Variants in NPAS3 observed in about 807,000 individuals in gnomAD.
NPAS3 encodes the protein neuronal PAS domain protein 3.
In NPAS3, 14 loss-of-function variants were observed where a neutral mutation model predicts 73.1. The ratio of observed to expected loss-of-function variants is 0.19; its 90% confidence interval spans 0.13 to 0.30. The LOEUF (loss-of-function observed/expected upper bound fraction) is 0.30. Among genes scored for constraint, NPAS3 ranks in the 10% least tolerant of loss-of-function variants. The pLI is 1.00. For synonymous variants in NPAS3, 620 were observed against 541.5 expected (o/e 1.14, Z -2.01); for missense variants, 1,096 against 1,250.0 (o/e 0.88, Z 1.86).
intron 4 of NPAS3, among the ~76,000 whole-genome samples, chr14:33,429,626 G>A (rs2048700241): frequency 6.6e-6 from 1 of 152,048 alleles, no homozygotes; most frequent in African/African-American, 2.4e-5. Flanking sequence ...TATATGAGAA[G>A]AACAGTATAC....
Position 33,800,605 on chromosome 14 carries a change from C to T in NPAS3, c.2298C>T (p.Gly766=), listed in dbSNP as rs2063677272. 5 of 1,310,510 alleles carry T rather than the reference C, an allele frequency of 3.8e-6. No individual in the cohort carries two copies. The highest frequency in any genetic ancestry group is 1.6e-5 in the African/African-American group (1 of 63,954). 81.2% of individuals were successfully genotyped at this position (1,310,510 alleles called of 1,614,324 possible). Residue 766 remains glycine, a synonymous_variant, in exon 12 of 12, where the codon GGC becomes GGT. Transcript: ENST00000356141. This position sits in a 1 kb window ranked among gnomAD's most constrained non-coding sequence, Gnocchi z 6.5. ...AGCACCCCGGGAACGGCGGCGGGGG[C>T]GGGGGCGGGGGCGGCGGCGCGGGGG...
intron 2 of NPAS3, among the ~76,000 whole-genome samples, chr14:33,190,604 A>T (rs755620570): frequency 9.9e-5 from 15 of 152,234 alleles, no homozygotes; most frequent in Non-Finnish European, 2.1e-4. Context: ...GAAGAAAATG[A>T]ACAAAGTGTG....
At chr14:32,959,204 G>T (rs1323656581) in intron 1 of NPAS3, among the ~76,000 whole-genome samples, 1 of 152,080 alleles carries the variant, frequency 6.6e-6, no homozygotes, top group African/African-American at 2.4e-5. Flanking sequence ...ACTGATTTTT[G>T]AACTTCTTTA....
At chr14:33,784,699 T>C (rs1437899609) in intron 9 of NPAS3, among the ~76,000 whole-genome samples, 1 of 151,038 alleles carries the variant, frequency 6.6e-6, no homozygotes, top group Non-Finnish European at 1.5e-5. Flanking sequence ...AATTAGTAGC[T>C]GCTTTTATTT....
chr14:33,201,665 G>A lies in NPAS3; in HGVS notation c.141-13517G>A, dbSNP rs113425299. On this transcript the variant is annotated intron_variant, in intron 2 of 11. Coordinates refer to ENST00000356141, the Ensembl canonical transcript of NPAS3. Reference sequence around the variant, plus strand: ...GATCATGTTGAGCTCTCAGTTCAGGGGGAAATGTTCAATCATGTAGTACAC... The same window carrying A: ...GATCATGTTGAGCTCTCAGTTCAGGAGGAAATGTTCAATCATGTAGTACAC... 8.9e-3 allele frequency among the ~76,000 whole-genome samples: 1,355 copies of A among 152,258 alleles called. 24 individuals carry two copies. The highest frequency in any genetic ancestry group is 0.031 in the African/African-American group (1,298 of 41,544).
At chr14:33,698,582 C>A (rs1368228988) in intron 6 of NPAS3, among the ~76,000 whole-genome samples, 2 of 152,186 alleles carry the variant, frequency 1.3e-5, no homozygotes, top group Non-Finnish European at 2.9e-5. Context: ...AACACTTTCT[C>A]ATCATTCCAC....
In NPAS3 at chr14:33,566,204, A is replaced by G. The variant is rs144883998; in HGVS notation, c.558+5994A>G. Among the ~76,000 whole-genome samples, 596 of 149,596 alleles carry G rather than the reference A, an allele frequency of 4.0e-3. 4 individuals are homozygous for G. The highest frequency in any genetic ancestry group is 0.014 in the African/African-American group (573 of 40,800). ...AGGGCACTTTGAAAAGCAAATAGCG[A>G]CCTGGTGAAGAAATTGATTTTTCCC... On this transcript the variant is annotated intron_variant, in intron 5 of 11. Coordinates refer to ENST00000356141, the Ensembl canonical transcript of NPAS3.
intron 4 of NPAS3, among the ~76,000 whole-genome samples, chr14:33,518,863 G>T (rs2053432347): frequency 2.0e-5 from 3 of 152,088 alleles, no homozygotes; most frequent in Non-Finnish European, 4.4e-5. Context: ...CAACAGGAGG[G>T]TAGGAGCTAT....
chr14:33,306,107 C>T (rs963627378), intron 3 of NPAS3, among the ~76,000 whole-genome samples: 2 of 152,030 alleles, frequency 1.3e-5, no homozygotes, highest in East Asian at 1.9e-4. Flanking sequence ...AATATTTAAA[C>T]TAGTATATAA....
intron 4 of NPAS3, among the ~76,000 whole-genome samples, chr14:33,438,057 G>A (rs1395344827): frequency 1.3e-5 from 2 of 152,130 alleles, no homozygotes; most frequent in African/African-American, 2.4e-5. Flanking sequence ...ACACTGTATC[G>A]CGTTTGGAAA....
chr14:33,438,290 T>C (rs7160536), intron 4 of NPAS3, among the ~76,000 whole-genome samples: 29,302 of 152,150 alleles, frequency 0.19, 3,202 homozygotes, highest in East Asian at 0.5. Flanking sequence ...TTATGTGTTA[T>C]TGAAATAAAG....
intron 1 of NPAS3, among the ~76,000 whole-genome samples, chr14:32,944,384 A>T (rs2036164248): frequency 6.6e-6 from 1 of 152,244 alleles, no homozygotes; most frequent in Admixed American, 6.5e-5. Flanking sequence ...ATAAGTTAGT[A>T]TGTTAAATTT....
chr14:33,285,666 C>A (rs1225949384), intron 3 of NPAS3, among the ~76,000 whole-genome samples: 3 of 152,218 alleles, frequency 2.0e-5, no homozygotes, highest in Non-Finnish European at 4.4e-5. Flanking sequence ...GCAACCTTGT[C>A]TCTCTCACAA....
At chr14:33,295,017 G>A (rs1396785123) in intron 3 of NPAS3, among the ~76,000 whole-genome samples, 6 of 152,190 alleles carry the variant, frequency 3.9e-5, no homozygotes, top group Admixed American at 3.3e-4. Context: ...AGGACCCTAG[G>A]AGGGAAAGAT....
chr14:33,069,528 T>C (rs898471242), intron 2 of NPAS3, among the ~76,000 whole-genome samples: 3 of 152,228 alleles, frequency 2.0e-5, no homozygotes, highest in Admixed American at 6.5e-5. Context: ...ACGGATGTAT[T>C]CAAACCCTAG....
intron 1 of NPAS3, among the ~76,000 whole-genome samples, chr14:33,027,441 T>C (rs985169900): frequency 6.6e-6 from 1 of 152,154 alleles, no homozygotes; most frequent in Non-Finnish European, 1.5e-5. Context: ...AATGAGTTTG[T>C]TAGAAAGGAA....
At chr14:33,219,236 T>C (rs1026359971) in intron 3 of NPAS3, among the ~76,000 whole-genome samples, 6 of 152,162 alleles carry the variant, frequency 3.9e-5, no homozygotes, top group African/African-American at 7.2e-5. Flanking sequence ...CCATTATATC[T>C]TTTATTAATC....
At chr14:33,550,263 C>A (rs965412871) in intron 4 of NPAS3, among the ~76,000 whole-genome samples, 3 of 152,154 alleles carry the variant, frequency 2.0e-5, no homozygotes, top group African/African-American at 7.2e-5. Context: ...ACACGATTCT[C>A]CTGCCTCAGC....
intron 8 of NPAS3, among the ~76,000 whole-genome samples, chr14:33,776,299 C>A (rs966487636): frequency 6.6e-6 from 1 of 151,934 alleles, no homozygotes; most frequent in Non-Finnish European, 1.5e-5. Context: ...ACATCAGCTC[C>A]CTTGATTTAG....
Sources: allele counts gnomAD v4.1 joint callset (sites outside exome capture counted in the v4.1 genomes callset), GRCh38; gene constraint gnomAD v4.1.1; non-coding constraint Gnocchi (gnomAD v3.1); transcripts MANE v1.5; gene names NCBI Gene and HGNC (gene_info 2026-07-23, HGNC 2026-07-21).